The following EFR3A variants were observed in gnomAD, a reference collection of about 807,000 sequenced individuals.
EFR3A encodes EFR3 homolog A, also known as protein EFR3 homolog A.
In EFR3A, 76 loss-of-function variants were observed where a neutral mutation model predicts 104.4. The ratio of observed to expected loss-of-function variants is 0.73; its 90% confidence interval spans 0.60 to 0.88. The LOEUF (loss-of-function observed/expected upper bound fraction) is 0.88. EFR3A is among the 40% of genes least tolerant of loss of function. EFR3A has a pLI of 0.00. For synonymous variants in EFR3A, 330 were observed against 330.0 expected (o/e 1.00, Z 0.00); for missense variants, 985 against 1,012.5 (o/e 0.97, Z 0.37).
At chr8:132,002,766 T>G (rs1266574121) in intron 21 of EFR3A, 60 bp downstream of exon 21, 12 of 1,362,746 alleles carry the variant, frequency 8.8e-6, no homozygotes, top group Non-Finnish European at 1.2e-5. Context: ...AAACTCTTCC[T>G]TGGTGATTAG....
chr8:131,940,700 T>C (rs1818126456), intron 2 of EFR3A, 125 bp downstream of exon 2: 4 of 1,386,402 alleles, frequency 2.9e-6, no homozygotes, highest in Non-Finnish European at 2.8e-6. Flanking sequence ...TTTATACTAC[T>C]TTTTTTATAC....
chr8:131,920,912 A>C (rs1249379831), intron 1 of EFR3A, among the ~76,000 whole-genome samples: 2 of 152,184 alleles, frequency 1.3e-5, no homozygotes, highest in South Asian at 4.1e-4. Flanking sequence ...AATTTAGTGG[A>C]CACTCAAATA....
chr8:132,010,421 T>G (rs1286936751), intron 22 of EFR3A, among the ~76,000 whole-genome samples: 3 of 91,704 alleles, frequency 3.3e-5, no homozygotes, highest in Admixed American at 1.2e-4. Context: ...TATATATATA[T>G]ATATATATAT....
chr8:131,978,187 A>G (rs1356971363), intron 12 of EFR3A, among the ~76,000 whole-genome samples: 2 of 152,136 alleles, frequency 1.3e-5, no homozygotes, highest in African/African-American at 2.4e-5. Context: ...CTTTATTTAT[A>G]TTAAACAAAT....
chr8:131,904,382 G>C (rs1231246827), intron 1 of EFR3A, 60 bp downstream of exon 1: 2 of 1,235,126 alleles, frequency 1.6e-6, no homozygotes, highest in East Asian at 3.2e-5. Flanking sequence ...GACGCGCTTG[G>C]GCCGGGTACT....
intron 7 of EFR3A, among the ~76,000 whole-genome samples, chr8:131,957,012 A>G (rs889224675): frequency 6.6e-6 from 1 of 152,212 alleles, no homozygotes; most frequent in African/African-American, 2.4e-5. Flanking sequence ...GAAAGAATTT[A>G]CCAAATAAGT....
At chr8:131,986,109 T>C (rs1253317013) in intron 16 of EFR3A, 85 bp from the exon 17 acceptor site, 1 of 579,818 alleles carries the variant, frequency 1.7e-6, no homozygotes, top group Non-Finnish European at 2.9e-6. Context: ...AAGTTGTTTT[T>C]TTTTAAGCTG....
At chr8:131,973,393 T>A (rs1285962452) in intron 10 of EFR3A, among the ~76,000 whole-genome samples, 1 of 152,180 alleles carries the variant, frequency 6.6e-6, no homozygotes, top group Non-Finnish European at 1.5e-5. Flanking sequence ...GACTTCTAAT[T>A]AATTCAGTGT....
intron 18 of EFR3A, among the ~76,000 whole-genome samples, chr8:131,995,914 C>T (rs570175715): frequency 3.3e-5 from 5 of 152,152 alleles, no homozygotes; most frequent in Non-Finnish European, 7.4e-5. Flanking sequence ...TTTCAGCCCA[C>T]AAATTGTAAT....
intron 10 of EFR3A, among the ~76,000 whole-genome samples, chr8:131,973,366 A>T (rs1373715464): frequency 6.6e-6 from 1 of 151,956 alleles, no homozygotes; most frequent in Non-Finnish European, 1.5e-5. Flanking sequence ...CACAGAATTG[A>T]TTTACATTGC....
intron 10 of EFR3A, among the ~76,000 whole-genome samples, chr8:131,975,098 G>A (rs1029019815): frequency 1.3e-5 from 2 of 152,132 alleles, no homozygotes; most frequent in African/African-American, 2.4e-5. Flanking sequence ...AAAAGCTACA[G>A]CAGATAAATT....
chr8:131,929,831 T>A (rs984499072), intron 1 of EFR3A, among the ~76,000 whole-genome samples: 15 of 152,164 alleles, frequency 9.9e-5, no homozygotes, highest in African/African-American at 3.6e-4. Flanking sequence ...TACAGAAATA[T>A]AAGAGTCAGT....
intron 18 of EFR3A, among the ~76,000 whole-genome samples, chr8:131,994,594 G>A (rs1821381370): frequency 6.6e-6 from 1 of 152,004 alleles, no homozygotes; most frequent in African/African-American, 2.4e-5. Context: ...AAACTCTATT[G>A]GTAGTATAGA....
intron 1 of EFR3A, among the ~76,000 whole-genome samples, chr8:131,912,598 A>C (rs1048708879): frequency 6.6e-6 from 1 of 152,174 alleles, no homozygotes; most frequent in Non-Finnish European, 1.5e-5. Flanking sequence ...ACTTTTGGGG[A>C]TCTATCCTTT....
At chr8:131,942,051 A>C (rs1036583670) in intron 2 of EFR3A, among the ~76,000 whole-genome samples, 36 of 152,074 alleles carry the variant, frequency 2.4e-4, no homozygotes, top group African/African-American at 8.2e-4. Context: ...ACTGAAGGTA[A>C]GGTGGAGGCC....
intron 1 of EFR3A, among the ~76,000 whole-genome samples, chr8:131,930,038 A>T (rs1277440639): frequency 1.3e-5 from 2 of 151,928 alleles, no homozygotes; most frequent in Non-Finnish European, 2.9e-5. Flanking sequence ...CATTGATTCA[A>T]ACTGCCCTAT....
chr8:131,950,874 T>C (rs1487448884), intron 5 of EFR3A, among the ~76,000 whole-genome samples: 1 of 152,110 alleles, frequency 6.6e-6, no homozygotes. Flanking sequence ...GAATCAAATA[T>C]TTTATAAACT....
chr8:131,987,809 T>A, intron 18 of EFR3A, 107 bp downstream of exon 18: 3 of 1,195,616 alleles, frequency 2.5e-6, no homozygotes, highest in Non-Finnish European at 3.5e-6. Flanking sequence ...GTGTCCTTAC[T>A]ATAGCCCAGC....
chr8:131,978,410 T>C (rs925637004), intron 12 of EFR3A, among the ~76,000 whole-genome samples: 5 of 152,202 alleles, frequency 3.3e-5, no homozygotes, highest in Non-Finnish European at 5.9e-5. Context: ...CTGCCTAATT[T>C]AAAATGAAAG....
Sources: allele counts gnomAD v4.1 joint callset (sites outside exome capture counted in the v4.1 genomes callset), GRCh38; gene constraint gnomAD v4.1.1; transcripts MANE v1.5; gene names NCBI Gene and HGNC (gene_info 2026-07-23, HGNC 2026-07-21).